Variants in DACH1 observed in about 807,000 individuals in gnomAD.
DACH1 encodes the protein dachshund family transcription factor 1, also known as dachshund homolog 1.
DACH1 carries 12 observed loss-of-function variants against 54.2 expected under a neutral mutation model. That is an observed-to-expected ratio of 0.22 (90% CI 0.14 to 0.36). DACH1 has a LOEUF of 0.36. DACH1 is among the 10% of genes least tolerant of loss of function. DACH1 has a pLI of 1.00. For missense variants in DACH1, 805 were observed against 929.8 expected, an observed-to-expected ratio of 0.87 and a Z score of 1.75; for synonymous variants, 386 against 366.2, an observed-to-expected ratio of 1.05 and a Z score of -0.62.
chr13:71,738,138 G>A (rs1884220017), intron 1 of DACH1, among the ~76,000 whole-genome samples: 1 of 152,156 alleles, frequency 6.6e-6, no homozygotes, highest in African/African-American at 2.4e-5. Context: ...AAGTATTCTT[G>A]CATACTTGCA....
chr13:71,812,283 A>G (rs1887741544), intron 1 of DACH1, among the ~76,000 whole-genome samples: 3 of 152,234 alleles, frequency 2.0e-5, no homozygotes, highest in African/African-American at 7.2e-5. Flanking sequence ...TACAGAATGT[A>G]TCAGCACAGT....
chr13:71,850,096 T>C (rs1354463408), intron 1 of DACH1, among the ~76,000 whole-genome samples: 1 of 152,190 alleles, frequency 6.6e-6, no homozygotes, highest in African/African-American at 2.4e-5. Flanking sequence ...TTATATTTCC[T>C]ATAATATGTT....
At chr13:71,605,939 T>C (rs1258013521) in intron 3 of DACH1, among the ~76,000 whole-genome samples, 1 of 152,050 alleles carries the variant, frequency 6.6e-6, no homozygotes, top group African/African-American at 2.4e-5. Flanking sequence ...GACTTCATTG[T>C]GTTTGGTGGC....
intron 1 of DACH1, among the ~76,000 whole-genome samples, chr13:71,701,702 A>G (rs1437478994): frequency 6.6e-6 from 1 of 152,148 alleles, no homozygotes; most frequent in African/African-American, 2.4e-5. Context: ...AAAGATGAAA[A>G]TAAAAATCAG....
At chr13:71,507,028 A>G (rs1006816454) in intron 6 of DACH1, among the ~76,000 whole-genome samples, 37 of 151,536 alleles carry the variant, frequency 2.4e-4, no homozygotes, top group African/African-American at 8.7e-4. Flanking sequence ...ACCAAAAGCA[A>G]TGGCAACAAA....
intron 6 of DACH1, among the ~76,000 whole-genome samples, chr13:71,494,472 G>T (rs1344981838): frequency 2.6e-5 from 4 of 152,128 alleles, no homozygotes; most frequent in African/African-American, 9.6e-5. Flanking sequence ...CTATCTGTAG[G>T]TTAATGTAAG....
At chr13:71,460,990 A>G (rs1201842333) in intron 10 of DACH1, among the ~76,000 whole-genome samples, 1 of 151,992 alleles carries the variant, frequency 6.6e-6, no homozygotes, top group African/African-American at 2.4e-5. Flanking sequence ...TCTGTAATTG[A>G]GACTTTGACA....
intron 1 of DACH1, among the ~76,000 whole-genome samples, chr13:71,732,463 T>C (rs917936213): frequency 2.0e-5 from 3 of 151,578 alleles, no homozygotes; most frequent in African/African-American, 7.3e-5. Context: ...TCGGTACCTG[T>C]AATCCCAGCT....
intron 1 of DACH1, among the ~76,000 whole-genome samples, chr13:71,803,542 A>T (rs575143936): frequency 1.3e-5 from 2 of 152,270 alleles, no homozygotes; most frequent in African/African-American, 4.8e-5. Context: ...TGTAACTACT[A>T]CATATATGAA....
intron 1 of DACH1, among the ~76,000 whole-genome samples, chr13:71,739,777 A>T (rs1884304804): frequency 6.6e-6 from 1 of 152,218 alleles, no homozygotes; most frequent in African/African-American, 2.4e-5. Flanking sequence ...TTTATCATCA[A>T]GTACAAATAG....
At chr13:71,765,164 A>T (rs1885567244) in intron 1 of DACH1, among the ~76,000 whole-genome samples, 1 of 152,196 alleles carries the variant, frequency 6.6e-6, no homozygotes, top group Admixed American at 6.5e-5. Flanking sequence ...TGAATTTGTT[A>T]TCTTTTTCCT....
intron 6 of DACH1, among the ~76,000 whole-genome samples, chr13:71,555,332 T>C (rs1884169724): frequency 1.3e-5 from 2 of 151,910 alleles, no homozygotes; most frequent in South Asian, 4.1e-4. Context: ...ACCAGTATAC[T>C]AATTTTTCTT....
At chr13:71,528,191 T>G (rs1882138291) in intron 6 of DACH1, among the ~76,000 whole-genome samples, 2 of 152,156 alleles carry the variant, frequency 1.3e-5, no homozygotes, top group Admixed American at 1.3e-4. Flanking sequence ...GTATATACCA[T>G]TCATTCAGAC....
At chr13:71,497,859 GACAC>G (rs6145114) in intron 6 of DACH1, among the ~76,000 whole-genome samples, 9,787 of 146,298 alleles carry the variant, frequency 0.067, 419 homozygotes, top group African/African-American at 0.12. Flanking sequence ...AATATGTGTT[GACAC>G]ACACACACAC....
intron 10 of DACH1, among the ~76,000 whole-genome samples, chr13:71,458,196 A>G (rs762917693): frequency 9.9e-5 from 15 of 151,486 alleles, no homozygotes; most frequent in Non-Finnish European, 2.1e-4. Flanking sequence ...TTCAGAATTT[A>G]AAAAAAACAG....
rs71126514 is a variant in DACH1 at position 71,861,907 on chromosome 13, C to CAAAAAAAA, written c.848+4007_848+4014dup. ...TGCCATCTTTATTAAAACTCCTAAC[C>CAAAAAAAA]AAAAAAAAAAAAAAAAAAAAATAGA... On this transcript the variant is annotated intron_variant, in intron 1 of 10. Transcript: ENST00000613252. Among the ~76,000 whole-genome samples, 5 of 86,470 alleles carry CAAAAAAAA rather than the reference C, an allele frequency of 5.8e-5. No homozygotes were observed. The East Asian group carries it at 9.1e-4, about 16-fold the overall frequency. 56.7% of individuals were successfully genotyped at this position (86,470 alleles called of 152,430 possible).
chr13:71,443,529 T>C (rs1028247872), intron 10 of DACH1, among the ~76,000 whole-genome samples: 5 of 152,316 alleles, frequency 3.3e-5, no homozygotes, highest in African/African-American at 1.2e-4. Context: ...AGTTGAAACA[T>C]ATAATAATCA....
At chr13:71,861,805 T>C (rs1473492934) in intron 1 of DACH1, among the ~76,000 whole-genome samples, 1 of 150,506 alleles carries the variant, frequency 6.6e-6, no homozygotes, top group African/African-American at 2.4e-5. Flanking sequence ...TTAAACTTTC[T>C]ATATCAATGC....
chr13:71,571,183 A>G (rs962532892), intron 4 of DACH1, among the ~76,000 whole-genome samples: 1 of 152,204 alleles, frequency 6.6e-6, no homozygotes, highest in African/African-American at 2.4e-5. Flanking sequence ...TAATATTATG[A>G]GATGATTCTT....
Sources: gnomAD v4.1 joint callset for allele counts (sites outside exome capture counted in the v4.1 genomes callset) on GRCh38, gnomAD v4.1.1 for gene constraint, MANE v1.5 for transcripts, NCBI Gene and HGNC (gene_info 2026-07-23, HGNC 2026-07-21) for gene names.